PALLD: variants seen among roughly 807,000 people sequenced by gnomAD.
PALLD encodes palladin.
Under a neutral mutation model 123.5 loss-of-function variants are expected in PALLD, and 61 were observed. That is an observed-to-expected ratio of 0.49 (90% CI 0.40 to 0.61). The LOEUF is 0.61. PALLD is among the 20% of genes least tolerant of loss of function. The pLI is 0.00. For synonymous variants in PALLD, 465 were observed against 496.4 expected (o/e 0.94, Z 0.84); for missense variants, 1,273 against 1,377.0 (o/e 0.92, Z 1.20).
At chr4:168,818,168 CACAA>C (rs546086348) in intron 10 of PALLD, among the ~76,000 whole-genome samples, 9 of 152,222 alleles carry the variant, frequency 5.9e-5, no homozygotes, top group South Asian at 2.1e-4. Context: ...TGTTTATTAT[CACAA>C]ACAAAGAAAA....
intron 10 of PALLD, among the ~76,000 whole-genome samples, chr4:168,719,997 G>C (rs115380796): frequency 0.017 from 2,629 of 152,248 alleles, 63 homozygotes; most frequent in African/African-American, 0.059. Context: ...GCATTAGGTT[G>C]ATTCCATGTC....
In PALLD at chr4:168,512,043, C is replaced by G. The variant is rs146387060; in HGVS notation, c.539C>G (p.Thr180Arg). 1 of 1,614,214 alleles carries G rather than the reference C, an allele frequency of 6.2e-7. No homozygotes were observed. Among genetic ancestry groups the G allele is most frequent in the Non-Finnish European group, 8.5e-7 (1 of 1,180,040 alleles). ...GCAGCTAATTTAATTGAGGAGCTAA[C>G]ATCCATATTTAAAGCCGCAAAGCCA... is the stretch of plus-strand genomic sequence containing the variant. ...DKAANLIEELTSIFKAAKPRN... is the reference protein window; with the variant it reads ...DKAANLIEELRSIFKAAKPRN... The change falls in exon 2 of 22, where the codon ACA (threonine) becomes AGA (arginine). Residue 180 changes from threonine (T) to arginine (R), a missense_variant. Coordinates refer to ENST00000505667, the MANE Select transcript of PALLD (RefSeq NM_001166108.2).
At chr4:168,672,719 A>G (rs1193233963) in intron 3 of PALLD, among the ~76,000 whole-genome samples, 2 of 152,058 alleles carry the variant, frequency 1.3e-5, no homozygotes, top group Admixed American at 6.5e-5. Flanking sequence ...CGGCCTCCCA[A>G]AGTGCTGGGA....
At chr4:168,882,241 G>A (rs1370243248) in intron 10 of PALLD, among the ~76,000 whole-genome samples, 1 of 152,152 alleles carries the variant, frequency 6.6e-6, no homozygotes, top group Non-Finnish European at 1.5e-5. Flanking sequence ...CATAGGAAAC[G>A]GGTAGGTGGG....
intron 10 of PALLD, among the ~76,000 whole-genome samples, chr4:168,736,502 C>T (rs1374876070): frequency 6.6e-6 from 1 of 152,194 alleles, no homozygotes; most frequent in Non-Finnish European, 1.5e-5. Context: ...TTCCGAAGTC[C>T]TTTCTGGGAG....
intron 10 of PALLD, among the ~76,000 whole-genome samples, chr4:168,744,480 G>A (rs538815918): frequency 4.0e-4 from 50 of 124,978 alleles, no homozygotes; most frequent in African/African-American, 1.4e-3. Context: ...CCAAGACAAG[G>A]TGTCTGGAAA....
intron 10 of PALLD, among the ~76,000 whole-genome samples, chr4:168,828,074 G>GTGAA (rs1743672735): frequency 6.6e-6 from 1 of 152,118 alleles, no homozygotes; most frequent in South Asian, 2.1e-4. Context: ...AACACCAGAA[G>GTGAA]TGAATGGAAC....
chr4:168,751,749 T>C (rs904396170), intron 10 of PALLD, among the ~76,000 whole-genome samples: 22 of 152,204 alleles, frequency 1.4e-4, no homozygotes, highest in Admixed American at 5.2e-4. Context: ...AAATGTAGAC[T>C]AAATAAACAC....
intron 3 of PALLD, among the ~76,000 whole-genome samples, chr4:168,675,956 T>G (rs1246678162): frequency 1.3e-5 from 2 of 152,114 alleles, no homozygotes; most frequent in Non-Finnish European, 2.9e-5. Flanking sequence ...CTTGGAAGGC[T>G]GAGGTGGGAG....
At chr4:168,767,039 A>G (rs538116167) in intron 10 of PALLD, among the ~76,000 whole-genome samples, 1 of 152,258 alleles carries the variant, frequency 6.6e-6, no homozygotes, top group African/African-American at 2.4e-5. Context: ...CCTCCTCCTG[A>G]CAGTCCTCTT....
At chr4:168,819,907 CG>C (rs1561560160) in intron 10 of PALLD, among the ~76,000 whole-genome samples, 1 of 152,188 alleles carries the variant, frequency 6.6e-6, no homozygotes, top group African/African-American at 2.4e-5. Context: ...CGAAGTGAAT[CG>C]TGCAGGGTCT....
At chr4:168,776,582 T>C (rs1015555784) in intron 10 of PALLD, among the ~76,000 whole-genome samples, 1 of 152,216 alleles carries the variant, frequency 6.6e-6, no homozygotes, top group African/African-American at 2.4e-5. Context: ...GTTCCTTATA[T>C]TAGGGAGAAA....
chr4:168,910,850 G>A (rs550214889), intron 15 of PALLD, among the ~76,000 whole-genome samples: 4 of 152,256 alleles, frequency 2.6e-5, no homozygotes, highest in African/African-American at 9.6e-5. Flanking sequence ...TAAGTGGCAG[G>A]GGAGATAGTG....
intron 2 of PALLD, among the ~76,000 whole-genome samples, chr4:168,550,302 G>A (rs2319905): frequency 1.3e-5 from 2 of 151,916 alleles, no homozygotes; most frequent in East Asian, 1.9e-4. Flanking sequence ...AACAGAAAAC[G>A]AAAACAAAGA....
At chr4:168,597,022 T>C (rs1772058884) in intron 2 of PALLD, among the ~76,000 whole-genome samples, 1 of 151,896 alleles carries the variant, frequency 6.6e-6, no homozygotes, top group Non-Finnish European at 1.5e-5. Context: ...ATAAGCAAAG[T>C]CAAAGAATCA....
chr4:168,854,389 G>T (rs1390963844), intron 10 of PALLD, among the ~76,000 whole-genome samples: 1 of 152,174 alleles, frequency 6.6e-6, no homozygotes, highest in African/African-American at 2.4e-5. Flanking sequence ...CATAAATCTT[G>T]GATGGATATA....
At chr4:168,901,446 C>T (rs1007533256) in intron 14 of PALLD, among the ~76,000 whole-genome samples, 38 of 152,000 alleles carry the variant, frequency 2.5e-4, no homozygotes, top group African/African-American at 9.2e-4. Context: ...AAGTTGTATG[C>T]CAAGTATAAT....
chr4:168,690,620 C>T lies in PALLD; in HGVS notation c.1353C>T (p.Ala451=), dbSNP rs763960529. 35 of 1,614,006 alleles carry T rather than the reference C, an allele frequency of 2.2e-5. No individual in the cohort carries two copies. Among genetic ancestry groups the T allele is most frequent in the South Asian group, 9.9e-5 (9 of 91,090 alleles). The stretch of plus-strand genomic sequence containing the variant: ...AATTTCAGGAACTGCAAAACACAGC[C>T]GTGGCGGAAGGCCAGGTGGTGGTTC... ...PVFTKELQNT[A]VAEGQVVVLE... Residue 451 remains alanine (A), a synonymous_variant, in exon 7 of 22, where the codon GCC becomes GCT. Transcript: ENST00000505667.
At chr4:168,811,778 A>T (rs62334338) in intron 10 of PALLD, among the ~76,000 whole-genome samples, 553 of 28,540 alleles carry the variant, frequency 0.019, 5 homozygotes, top group African/African-American at 0.031. Context: ...TCTCTCTCTC[A>T]CACACACACA....
Sources: allele counts gnomAD v4.1 joint callset (sites outside exome capture counted in the v4.1 genomes callset), GRCh38; gene constraint gnomAD v4.1.1; transcripts MANE v1.5; gene names NCBI Gene and HGNC (gene_info 2026-07-23, HGNC 2026-07-21).